MDFIC: variants seen among roughly 807,000 people sequenced by gnomAD.
The protein encoded by MDFIC is MyoD family inhibitor domain containing.
Under a neutral mutation model 23.2 loss-of-function variants are expected in MDFIC, and 17 were observed. The ratio of observed to expected loss-of-function variants is 0.73; its 90% confidence interval spans 0.50 to 1.10. The LOEUF (loss-of-function observed/expected upper bound fraction) is 1.10. MDFIC is among the 50% of genes least tolerant of loss of function. MDFIC has a pLI of 0.00. For synonymous variants in MDFIC, 120 were observed against 115.2 expected, an observed-to-expected ratio of 1.04 and a Z score of -0.27; for missense variants, 356 against 316.6, an observed-to-expected ratio of 1.12 and a Z score of -0.95.
At chr7:114,981,369 A>T (rs1428918072) in intron 4 of MDFIC, among the ~76,000 whole-genome samples, 3 of 152,146 alleles carry the variant, frequency 2.0e-5, no homozygotes, top group Admixed American at 2.0e-4. Context: ...ATTTATTTGT[A>T]ATGTAGGAAT....
intron 4 of MDFIC, among the ~76,000 whole-genome samples, chr7:115,006,064 A>T (rs980314169): frequency 6.6e-6 from 1 of 151,970 alleles, no homozygotes; most frequent in Admixed American, 6.6e-5. Flanking sequence ...AGGGCTGGGG[A>T]GTGCATCCTG....
At chr7:114,943,508 T>C (rs983923599) in intron 3 of MDFIC, among the ~76,000 whole-genome samples, 1 of 152,166 alleles carries the variant, frequency 6.6e-6, no homozygotes, top group African/African-American at 2.4e-5. Context: ...TTGGTTTTTA[T>C]ACACTTTGGT....
chr7:114,981,048 A>G (rs574535375), intron 4 of MDFIC, among the ~76,000 whole-genome samples: 29 of 152,218 alleles, frequency 1.9e-4, no homozygotes, highest in Non-Finnish European at 4.0e-4. Flanking sequence ...TGTAAGCTGC[A>G]TGGTCATCTC....
chr7:114,932,707 C>T (rs546410000), intron 2 of MDFIC, among the ~76,000 whole-genome samples: 9 of 152,210 alleles, frequency 5.9e-5, no homozygotes, highest in East Asian at 3.9e-4. Context: ...GAGGAGAATC[C>T]GAAGAACTCA....
At chr7:114,926,154 A>G (rs910057989) in intron 2 of MDFIC, among the ~76,000 whole-genome samples, 2 of 152,198 alleles carry the variant, frequency 1.3e-5, no homozygotes, top group Admixed American at 6.5e-5. Flanking sequence ...CTTTGGTGCA[A>G]TAGTTACTAG....
At chr7:115,006,075 G>T (rs952194951) in intron 4 of MDFIC, among the ~76,000 whole-genome samples, 41 of 152,098 alleles carry the variant, frequency 2.7e-4, no homozygotes, top group African/African-American at 9.9e-4. Flanking sequence ...GTGCATCCTG[G>T]GTCTTCTCAG....
intron 3 of MDFIC, among the ~76,000 whole-genome samples, chr7:114,976,308 T>A (rs1431246841): frequency 6.6e-6 from 1 of 152,162 alleles, no homozygotes; most frequent in Non-Finnish European, 1.5e-5. Flanking sequence ...TTGCTTGAAT[T>A]ATTCTTTCCA....
chr7:114,952,787 C>T (rs925829224), intron 3 of MDFIC, among the ~76,000 whole-genome samples: 1 of 152,078 alleles, frequency 6.6e-6, no homozygotes, highest in Non-Finnish European at 1.5e-5. Flanking sequence ...GATCATACTT[C>T]GGATGCTGCC....
intron 4 of MDFIC, among the ~76,000 whole-genome samples, chr7:115,003,106 G>A (rs1585121153): frequency 6.6e-6 from 1 of 152,070 alleles, no homozygotes; most frequent in South Asian, 2.1e-4. Flanking sequence ...TTGAAATATT[G>A]TTCTCTCTCA....
At chr7:115,006,326 C>T (rs1489544437) in intron 4 of MDFIC, among the ~76,000 whole-genome samples, 1 of 152,168 alleles carries the variant, frequency 6.6e-6, no homozygotes, top group African/African-American at 2.4e-5. Context: ...TTTGTTTCCT[C>T]CCATGCTGCC....
At chr7:114,929,306 C>A (rs1048117893) in intron 2 of MDFIC, among the ~76,000 whole-genome samples, 2 of 152,090 alleles carry the variant, frequency 1.3e-5, no homozygotes, top group African/African-American at 4.8e-5. Context: ...ACGGGTTTCA[C>A]CATATTGGCC....
intron 4 of MDFIC, among the ~76,000 whole-genome samples, chr7:114,989,740 C>T (rs1020247292): frequency 6.6e-6 from 1 of 152,140 alleles, no homozygotes; most frequent in African/African-American, 2.4e-5. Context: ...TCTCAGTAAC[C>T]TCTATTGAAT....
Position 115,016,042 on chromosome 7 carries a change from CTGT to C in MDFIC, c.*109_*111del. ...CTCATGAAACAACATGGAATTTGCA[CTGT>C]TAACTCATTATTGTAAGTAATCTCT... is the stretch of plus-strand genomic sequence containing the variant. On this transcript the variant is annotated 3_prime_UTR_variant, in exon 5 of 5. Transcript: ENST00000393486. The C allele has an allele frequency of 8.8e-7, 1 of 1,133,582 alleles. No homozygotes were observed. The highest frequency in any genetic ancestry group is 1.3e-6 in the Non-Finnish European group (1 of 798,866). 70.2% of individuals were successfully genotyped at this position (1,133,582 alleles called of 1,614,324 possible).
chr7:114,984,236 A>G (rs1442011665), intron 4 of MDFIC, among the ~76,000 whole-genome samples: 1 of 152,240 alleles, frequency 6.6e-6, no homozygotes, highest in East Asian at 1.9e-4. Flanking sequence ...TTCTTACCAC[A>G]GTTTTAAAAA....
intron 4 of MDFIC, among the ~76,000 whole-genome samples, chr7:114,983,926 C>A (rs1245956001): frequency 6.6e-6 from 1 of 152,042 alleles, no homozygotes; most frequent in East Asian, 1.9e-4. Context: ...GTCCTCCCAA[C>A]AACGCTGCAA....
Position 115,014,361 on chromosome 7 carries a change from C to T in MDFIC, c.494-1327C>T. On this transcript the variant is annotated intron_variant, in intron 4 of 4. Transcript: ENST00000393486. Reference sequence around the variant, plus strand: ...GAGGGATTCTGTCAATTCACATCTACTTGCAGTTATATGGCATTCTATAGA... The same window carrying T: ...GAGGGATTCTGTCAATTCACATCTATTTGCAGTTATATGGCATTCTATAGA... The T allele has an allele frequency of 1.1e-5, 14 of 1,277,740 alleles. 1 individual carries two copies. The highest frequency in any genetic ancestry group is 1.3e-5 in the Non-Finnish European group (13 of 984,048). 79.2% of individuals were successfully genotyped at this position (1,277,740 alleles called of 1,614,324 possible). A position where few individuals can be genotyped will look rare whatever the true frequency, so the allele number is the denominator to read the frequency against.
At position 114,922,931 on chromosome 7, in the gene MDFIC, A is replaced by G. The variant is rs1292285193; in HGVS notation, c.-103A>G. On this transcript the variant is annotated 5_prime_UTR_variant, in exon 2 of 5. Transcript: ENST00000393486. ...TTTTGTATATTTTTCCGCCAGAAGCAGTCAGTTCCCTGCACCCAGCACCTC... is the reference window on the plus strand; with the variant it reads ...TTTTGTATATTTTTCCGCCAGAAGCGGTCAGTTCCCTGCACCCAGCACCTC... The G allele has an allele frequency of 6.3e-7, 1 of 1,592,120 alleles. No individual in the cohort carries two copies. The highest frequency in any genetic ancestry group is 1.4e-5 in the African/African-American group (1 of 73,162).
chr7:114,923,075 G>A lies in MDFIC; in HGVS notation c.42G>A (p.Gly14=). 3 of 1,418,980 alleles carry A rather than the reference G, an allele frequency of 2.1e-6. No homozygotes were observed. The highest frequency in any genetic ancestry group is 2.8e-6 in the Non-Finnish European group (3 of 1,086,952). The allele number at this position is 1,418,980 out of a possible 1,614,324, so 87.9% of individuals were successfully genotyped here. A position where few individuals can be genotyped will look rare whatever the true frequency, so the allele number is the denominator to read the frequency against. ...AAGCCCTCGCTCCCGGGCCCGTGGG[G>A]CCGCAGCGCGTGGCCGAGGCGGGCG... is the stretch of plus-strand genomic sequence containing the variant. The part of the protein sequence containing the change: ...AGEALAPGPV[G]PQRVAEAGGG... The change falls in exon 2 of 5, where the codon GGG becomes GGA. Residue 14 remains glycine, a synonymous_variant. Transcript: ENST00000393486.
intron 3 of MDFIC, among the ~76,000 whole-genome samples, chr7:114,944,523 A>G (rs1015429842): frequency 1.3e-5 from 2 of 152,204 alleles, no homozygotes; most frequent in African/African-American, 4.8e-5. Flanking sequence ...TATCATCTTT[A>G]AAACTGACTC....
Sources: allele counts gnomAD v4.1 joint callset (sites outside exome capture counted in the v4.1 genomes callset), GRCh38; gene constraint gnomAD v4.1.1; transcripts MANE v1.5; gene names NCBI Gene and HGNC (gene_info 2026-07-23, HGNC 2026-07-21).